The following PUDP variants were observed in gnomAD, a reference collection of about 807,000 sequenced individuals.
The protein encoded by PUDP is pseudouridine-5'-phosphatase.
PUDP carries 8 observed loss-of-function variants against 9.4 expected under a neutral mutation model. The observed-to-expected ratio is 0.85, with a 90% CI of 0.50 to 1.53. The LOEUF (loss-of-function observed/expected upper bound fraction) is 1.53. Ranked by LOEUF, PUDP falls within the 40% of genes most tolerant of loss-of-function variation. The probability of loss-of-function intolerance (pLI) is 0.00; values close to 1 mark genes in which losing one functional copy is unlikely to be tolerated. For missense variants in PUDP, 188 were observed against 189.7 expected, an observed-to-expected ratio of 0.99 and a Z score of 0.05; for synonymous variants, 99 against 80.7, an observed-to-expected ratio of 1.23 and a Z score of -1.22.
chrX:7,012,037 A>G (rs1344492754), intron 1 of PUDP, among the ~76,000 whole-genome samples: 3 of 112,683 alleles, frequency 2.7e-5, no homozygotes, highest in Admixed American at 9.4e-5. Flanking sequence ...GTATATAAAC[A>G]TGCACATCAA....
intron 3 of PUDP, among the ~76,000 whole-genome samples, chrX:6,775,614 A>G (rs142903970): frequency 1.5e-3 from 166 of 111,372 alleles, no homozygotes; most frequent in African/African-American, 5.3e-3. Flanking sequence ...CAAAAGTCAT[A>G]CATACGTTGA....
intron 1 of PUDP, among the ~76,000 whole-genome samples, chrX:7,002,521 G>A (rs186217644): frequency 1.1e-4 from 12 of 111,825 alleles, no homozygotes; most frequent in Admixed American, 2.8e-4. Context: ...ACCTTTTGGA[G>A]GGGAGAGTGG....
At chrX:6,874,115 CAG>C (rs749751926) in intron 3 of PUDP, among the ~76,000 whole-genome samples, 1 of 103,498 alleles carries the variant, frequency 9.7e-6, no homozygotes, top group Non-Finnish European at 2.0e-5. Context: ...GCCTGGGCAC[CAG>C]AGAGAGACCC....
intron 3 of PUDP, among the ~76,000 whole-genome samples, chrX:6,769,110 G>T (rs990067238): frequency 1.8e-5 from 2 of 111,942 alleles, no homozygotes; most frequent in African/African-American, 6.5e-5. Context: ...ATATTTGCTG[G>T]TCTCCCATTC....
rs181824608 is a variant in PUDP, at chrX:6,823,248, T to C, written c.*248-116782A>G. Among the ~76,000 whole-genome samples the C allele has an allele frequency of 1.9e-3, 210 of 111,515 alleles. 1 individual carries two copies. The highest frequency in any genetic ancestry group is 6.8e-3 in the African/African-American group (208 of 30,672). ...AAAAAATCCTTTACCTCGATAGATA[T>C]ATCTTTGACATATTTTGAAATGGCT... On this transcript the variant is annotated intron_variant and NMD_transcript_variant, in intron 3 of 3. Transcript: ENST00000655425.
chrX:7,086,657 T>C (rs1046732566), intron 2 of PUDP, among the ~76,000 whole-genome samples: 12 of 112,196 alleles, frequency 1.1e-4, no homozygotes, highest in South Asian at 3.7e-4. Context: ...TTCCTTTTTC[T>C]AGGCCTTCCA....
At chrX:6,767,899 C>T (rs1925305021) in intron 3 of PUDP, among the ~76,000 whole-genome samples, 1 of 111,152 alleles carries the variant, frequency 9.0e-6, no homozygotes, top group Non-Finnish European at 1.9e-5. Flanking sequence ...CAGTCTATTC[C>T]GAATCTGGGG....
intron 3 of PUDP, among the ~76,000 whole-genome samples, chrX:6,827,492 G>A (rs767971225): frequency 1.8e-5 from 2 of 111,444 alleles, no homozygotes; most frequent in Non-Finnish European, 3.8e-5. Context: ...TCATTTACTC[G>A]GAGTTTGCCC....
intron 3 of PUDP, among the ~76,000 whole-genome samples, chrX:6,950,662 G>A (rs12841258): frequency 0.17 from 18,156 of 109,254 alleles, 1,411 homozygotes; most frequent in Admixed American, 0.31. Flanking sequence ...CACCCACCTC[G>A]GCCTCCCATA....
intron 3 of PUDP, among the ~76,000 whole-genome samples, chrX:6,968,603 G>A (rs923807402): frequency 2.7e-5 from 3 of 110,342 alleles, no homozygotes; most frequent in Non-Finnish European, 3.8e-5. Flanking sequence ...TGTTTTAGGG[G>A]GTTGGAGTAA....
chrX:6,791,231 T>C (rs1243978064), intron 3 of PUDP, among the ~76,000 whole-genome samples: 1 of 106,780 alleles, frequency 9.4e-6, no homozygotes. Flanking sequence ...GGCACACATT[T>C]GTAGTCCCAG....
At chrX:6,861,563 G>A (rs776165061) in intron 3 of PUDP, among the ~76,000 whole-genome samples, 4 of 112,130 alleles carry the variant, frequency 3.6e-5, no homozygotes, top group Admixed American at 9.5e-5. Flanking sequence ...TTGAGAAAAT[G>A]TGACAGTTTT....
chrX:7,016,909 T>C (rs1221811152), intron 1 of PUDP, among the ~76,000 whole-genome samples: 1 of 111,599 alleles, frequency 9.0e-6, no homozygotes, highest in Non-Finnish European at 1.9e-5. Flanking sequence ...ACAATATCCA[T>C]CTGCGAGAAT....
intron 3 of PUDP, among the ~76,000 whole-genome samples, chrX:6,741,108 A>C (rs1924930579): frequency 9.3e-6 from 1 of 108,097 alleles, no homozygotes; most frequent in Admixed American, 9.9e-5. Context: ...GCAGTGAGCC[A>C]AGATCGCACC....
chrX:7,146,836 T>A (rs928308344), intron 1 of PUDP, among the ~76,000 whole-genome samples: 2 of 16,741 alleles, frequency 1.2e-4, no homozygotes, highest in Non-Finnish European at 2.1e-4. Context: ...AGCTGCAGGG[T>A]TTTTTTTTTT....
intron 3 of PUDP, among the ~76,000 whole-genome samples, chrX:6,804,734 C>T (rs1485843509): frequency 9.0e-6 from 1 of 111,495 alleles, no homozygotes; most frequent in African/African-American, 3.3e-5. Flanking sequence ...CCAGCCACAG[C>T]CTCCTTCACT....
intron 1 of PUDP, among the ~76,000 whole-genome samples, chrX:7,124,927 G>A (rs939901096): frequency 1.7e-4 from 18 of 108,927 alleles, no homozygotes; most frequent in African/African-American, 6.0e-4. Context: ...CAGCCTGGGC[G>A]ACAGAGTGAG....
At chrX:7,097,962 T>C (rs1473657369) in intron 2 of PUDP, among the ~76,000 whole-genome samples, 1 of 111,945 alleles carries the variant, frequency 8.9e-6, no homozygotes, top group Non-Finnish European at 1.9e-5. Context: ...GCCCATGTCA[T>C]GTGCATGGTG....
At chrX:6,881,958 G>A (rs969409923) in intron 3 of PUDP, among the ~76,000 whole-genome samples, 11 of 107,371 alleles carry the variant, frequency 1.0e-4, no homozygotes, top group African/African-American at 3.7e-4. Context: ...CATGATAGAG[G>A]AATCTCTTTT....
Sources: allele counts gnomAD v4.1 joint callset (sites outside exome capture counted in the v4.1 genomes callset), GRCh38; gene constraint gnomAD v4.1.1; transcripts MANE v1.5; gene names NCBI Gene and HGNC (gene_info 2026-07-23, HGNC 2026-07-21).